The following USP53 variants were observed in gnomAD, a reference collection of about 807,000 sequenced individuals.
USP53 encodes ubiquitin specific peptidase 53, also known as ubiquitin carboxyl-terminal hydrolase 53.
USP53 carries 71 observed loss-of-function variants against 94.9 expected under a neutral mutation model. That is an observed-to-expected ratio of 0.75 (90% CI 0.62 to 0.91). The LOEUF is 0.91. USP53 is among the 40% of genes least tolerant of loss of function. USP53 has a pLI of 0.00. For missense variants in USP53, 1,173 were observed against 1,281.0 expected, an observed-to-expected ratio of 0.92 and a Z score of 1.29; for synonymous variants, 375 against 422.7, an observed-to-expected ratio of 0.89 and a Z score of 1.39.
intron 9 of USP53, 126 bp downstream of exon 9, chr4:119,256,649 T>C (rs959218867): frequency 6.4e-6 from 6 of 939,148 alleles, no homozygotes; most frequent in African/African-American, 1.6e-5. Context: ...CCAAGTATGC[T>C]GCTGTGAGAT....
intron 12 of USP53, among the ~76,000 whole-genome samples, chr4:119,262,652 A>G (rs1750650895): frequency 6.6e-6 from 1 of 152,182 alleles, no homozygotes; most frequent in South Asian, 2.1e-4. Context: ...AAGAGGAGGA[A>G]AAGGAAGATT....
chr4:119,260,654 G>T lies in USP53; in HGVS notation c.822+1G>T. On this transcript the variant is annotated splice_donor_variant, in intron 11 of 18. Transcript: ENST00000692078. LOFTEE classifies it high-confidence loss of function. ...AGCAACACATCTTTATCTTCCTGGGGTATCTTATCTATTTTCATTCCCTTC... is the reference window on the plus strand; with the variant it reads ...AGCAACACATCTTTATCTTCCTGGGTTATCTTATCTATTTTCATTCCCTTC... 2 of 1,611,706 alleles carry T rather than the reference G, an allele frequency of 1.2e-6. No homozygotes were observed. Among genetic ancestry groups the T allele is most frequent in the Non-Finnish European group, 1.7e-6 (2 of 1,178,918 alleles).
intron 3 of USP53, among the ~76,000 whole-genome samples, chr4:119,233,991 A>T (rs1382628889): frequency 6.6e-6 from 1 of 152,178 alleles, no homozygotes; most frequent in African/African-American, 2.4e-5. Flanking sequence ...TAGAGGCATG[A>T]TCTTCTCCAG....
intron 7 of USP53, 39 bp downstream of exon 7, chr4:119,248,921 A>G: frequency 6.8e-6 from 11 of 1,610,192 alleles, no homozygotes; most frequent in Non-Finnish European, 9.3e-6. Context: ...TCAGGATAGT[A>G]GTTTTCATTC....
chr4:119,268,239 AATGATAC>A (rs775166369), intron 13 of USP53, 22 bp from the exon 14 acceptor site: 1 of 1,575,350 alleles, frequency 6.3e-7, no homozygotes, highest in South Asian at 1.2e-5. Flanking sequence ...GAAGGAAAGG[AATGATAC>A]ATTTTTGCTT....
intron 3 of USP53, among the ~76,000 whole-genome samples, chr4:119,229,092 T>C (rs937621179): frequency 6.6e-6 from 1 of 152,182 alleles, no homozygotes; most frequent in Non-Finnish European, 1.5e-5. Context: ...CTGAATGGTC[T>C]TAGCAACATC....
rs555593647 is a variant in USP53, at chr4:119,248,614, A to G, written c.238-134A>G. The G allele has an allele frequency of 6.6e-5, 67 of 1,009,858 alleles. No homozygotes were observed. In the South Asian group the frequency reaches 1.1e-3, roughly 17 times the overall value. The allele number at this position is 1,009,858 out of a possible 1,614,324, so 62.6% of individuals were successfully genotyped here. ...GATGATACAAATAATTAATTTTTGT[A>G]TGAAATTTTAGAGCAAAAGACTTCT... On this transcript the variant is annotated intron_variant, in intron 6 of 18. Transcript: ENST00000692078.
chr4:119,290,933 T>A (rs1280630856), intron 17 of USP53, among the ~76,000 whole-genome samples: 1 of 152,182 alleles, frequency 6.6e-6, no homozygotes, highest in Non-Finnish European at 1.5e-5. Flanking sequence ...TATTCCATCA[T>A]GGATGACACC....
intron 17 of USP53, 117 bp from the exon 18 acceptor site, chr4:119,291,048 T>C: frequency 2.0e-6 from 1 of 511,056 alleles, no homozygotes; most frequent in Non-Finnish European, 3.3e-6. Context: ...TGGAAGAGAT[T>C]ACCTTTTATA....
intron 6 of USP53, among the ~76,000 whole-genome samples, chr4:119,247,850 A>G (rs1748455649): frequency 6.6e-6 from 1 of 152,214 alleles, no homozygotes; most frequent in Non-Finnish European, 1.5e-5. Flanking sequence ...TAAAATAATT[A>G]TAGTTCTGGG....
At chr4:119,222,241 T>C (rs1032512473) in intron 3 of USP53, among the ~76,000 whole-genome samples, 2 of 152,336 alleles carry the variant, frequency 1.3e-5, no homozygotes, top group South Asian at 4.1e-4. Flanking sequence ...AAGCATACAG[T>C]GTATAATGAT....
chr4:119,259,436 G>C (rs1345959853), intron 9 of USP53, among the ~76,000 whole-genome samples: 2 of 152,176 alleles, frequency 1.3e-5, no homozygotes, highest in East Asian at 1.9e-4. Flanking sequence ...CTTTGGGCTA[G>C]AGAGGGAGCC....
chr4:119,216,241 C>T (rs936085190), intron 2 of USP53, among the ~76,000 whole-genome samples: 2 of 152,028 alleles, frequency 1.3e-5, no homozygotes, highest in East Asian at 1.9e-4. Flanking sequence ...ATTAGCCAGG[C>T]GTGGTGGTGC....
In USP53 at chr4:119,292,341, A is replaced by T. The variant is rs1283943166; in HGVS notation, c.2352A>T (p.Ser784=). The change falls in exon 19 of 19, where the codon TCA becomes TCT. Residue 784 remains serine (S), a synonymous_variant. Transcript: ENST00000692078. ...LQIKNHLIKR[S]HVHEDNGKLF... Reference sequence around the variant, plus strand: ...TGTTTTTATTTTCATATTTCAGATCACATGTACATGAAGACAATGGAAAGT... The same window carrying T: ...TGTTTTTATTTTCATATTTCAGATCTCATGTACATGAAGACAATGGAAAGT... The T allele has an allele frequency of 2.5e-6, 4 of 1,577,922 alleles. No homozygotes were observed. Among genetic ancestry groups the T allele is most frequent in the Non-Finnish European group, 3.4e-6 (4 of 1,165,474 alleles).
intron 17 of USP53, among the ~76,000 whole-genome samples, chr4:119,276,490 A>T (rs1021881304): frequency 6.6e-6 from 1 of 151,722 alleles, no homozygotes; most frequent in Non-Finnish European, 1.5e-5. Flanking sequence ...GTGCTGCTGG[A>T]TTTGTTTTGC....
chr4:119,285,239 T>A (rs946416387), intron 17 of USP53, among the ~76,000 whole-genome samples: 2 of 151,970 alleles, frequency 1.3e-5, no homozygotes, highest in Non-Finnish European at 3.0e-5. Flanking sequence ...TACTGATTAG[T>A]GTGTATTTGT....
chr4:119,216,557 G>T (rs1395369519), intron 2 of USP53, among the ~76,000 whole-genome samples: 1 of 151,994 alleles, frequency 6.6e-6, no homozygotes, highest in Non-Finnish European at 1.5e-5. Context: ...AGTCCAGAAA[G>T]GTTTTGTAAA....
intron 17 of USP53, among the ~76,000 whole-genome samples, chr4:119,286,347 T>C (rs1382662623): frequency 6.6e-6 from 1 of 151,786 alleles, no homozygotes; most frequent in Non-Finnish European, 1.5e-5. Context: ...ATTATTAAAG[T>C]TTCTTGCCTT....
chr4:119,213,660 A>ATATATATATATATATG lies in USP53; in HGVS notation c.-941-409_-941-408insATATATATATATATGT. On this transcript the variant is annotated intron_variant, in intron 1 of 18. Transcript: ENST00000692078. Reference sequence around the variant, plus strand: ...GAAATAGATATATATATATATATATATGTGTGTGTGTGTATGTATGTATGT... The same window carrying ATATATATATATATATG: ...GAAATAGATATATATATATATATATATATATATATATATATGTGTGTGTGTGTGTATGTATGTATGT... Among the ~76,000 whole-genome samples the ATATATATATATATATG allele has an allele frequency of 9.6e-4, 113 of 117,772 alleles. 1 individual carries two copies. The highest frequency in any genetic ancestry group is 3.2e-3 in the African/African-American group (90 of 27,782). 77.3% of individuals were successfully genotyped at this position (117,772 alleles called of 152,430 possible).
Sources: gnomAD v4.1 joint callset for allele counts (sites outside exome capture counted in the v4.1 genomes callset) on GRCh38, gnomAD v4.1.1 for gene constraint, MANE v1.5 for transcripts, NCBI Gene and HGNC (gene_info 2026-07-23, HGNC 2026-07-21) for gene names.